RTTN: variants seen among roughly 807,000 people sequenced by gnomAD.
RTTN encodes the protein rotatin.
In RTTN, 182 loss-of-function variants were observed where a neutral mutation model predicts 269.2. That is an observed-to-expected ratio of 0.68 (90% CI 0.60 to 0.76). RTTN has a LOEUF of 0.76. RTTN is among the 30% of genes least tolerant of loss of function. The probability of loss-of-function intolerance (pLI) is 0.00; values close to 1 mark genes in which losing one functional copy is unlikely to be tolerated. For missense variants in RTTN, 2,545 were observed against 2,608.6 expected (o/e 0.98, Z 0.53); for synonymous variants, 1,006 against 963.5 (o/e 1.04, Z -0.82).
intron 3 of RTTN, among the ~76,000 whole-genome samples, chr18:70,203,869 T>C (rs2062013873): frequency 6.6e-6 from 1 of 152,184 alleles, no homozygotes; most frequent in Non-Finnish European, 1.5e-5. Context: ...GTCACTGGCA[T>C]CGTTTAGGCC....
At position 70,184,703 on chromosome 18, in the gene RTTN, G is replaced by GTTTTTTT. The variant is rs374636456; in HGVS notation, c.1305+3398_1305+3404dup. Among the ~76,000 whole-genome samples, 945 of 26,074 alleles carry GTTTTTTT rather than the reference G, an allele frequency of 0.036. 259 individuals carry two copies. The East Asian group carries it at 0.41, about 11-fold the overall frequency. The allele number at this position is 26,074 out of a possible 152,430, so 17.1% of individuals were successfully genotyped here. ...TCAATTCCATTCAAAACCACAGCAGGTTTTTTTTTTTTTTGTGTGTGTGTG... is the reference window on the plus strand; with the variant it reads ...TCAATTCCATTCAAAACCACAGCAGGTTTTTTTTTTTTTTTTTTTTTGTGTGTGTGTG... On this transcript the variant is annotated intron_variant, in intron 10 of 48. Transcript: ENST00000640769.
intron 10 of RTTN, among the ~76,000 whole-genome samples, chr18:70,181,780 T>C (rs1316473412): frequency 1.3e-5 from 2 of 152,220 alleles, no homozygotes; most frequent in Admixed American, 1.3e-4. Context: ...TTTTAAAATA[T>C]AGCCAAAGAA....
chr18:70,199,365 A>T, intron 5 of RTTN, 49 bp downstream of exon 5: 2 of 1,255,684 alleles, frequency 1.6e-6, no homozygotes, highest in South Asian at 1.2e-5. Context: ...TATCAAACTT[A>T]ATGACTATAA....
At chr18:70,203,457 G>A (rs1052859678) in intron 3 of RTTN, among the ~76,000 whole-genome samples, 6 of 152,158 alleles carry the variant, frequency 3.9e-5, no homozygotes, top group Admixed American at 3.3e-4. Flanking sequence ...GCTTCCCAAA[G>A]TGCCGGGATT....
At chr18:70,124,491 A>G (rs1220610316) in intron 25 of RTTN, among the ~76,000 whole-genome samples, 1 of 152,100 alleles carries the variant, frequency 6.6e-6, no homozygotes, top group Non-Finnish European at 1.5e-5. Context: ...CTGGAGCTCA[A>G]GGAAGAGTAG....
chr18:70,133,097 C>T (rs1017232269), intron 23 of RTTN, among the ~76,000 whole-genome samples: 5 of 152,112 alleles, frequency 3.3e-5, no homozygotes, highest in African/African-American at 7.2e-5. Context: ...CTCTTATAAG[C>T]AACCTGGAAA....
At chr18:70,169,221 T>A (rs1263433634) in intron 11 of RTTN, among the ~76,000 whole-genome samples, 154 bp from the exon 12 acceptor site, 1 of 152,172 alleles carries the variant, frequency 6.6e-6, no homozygotes, top group Admixed American at 6.6e-5. Context: ...AAATCCCATT[T>A]CCCAACACAT....
intron 40 of RTTN, among the ~76,000 whole-genome samples, chr18:70,033,796 AAAT>A (rs1427658772): frequency 3.9e-5 from 6 of 152,146 alleles, no homozygotes. Context: ...TTTTTGAAAA[AAAT>A]AATAAAATAT....
chr18:70,124,614 T>C (rs1337320206), intron 25 of RTTN, among the ~76,000 whole-genome samples: 8 of 152,036 alleles, frequency 5.3e-5, no homozygotes, highest in Non-Finnish European at 1.0e-4. Context: ...TTGCACTTCA[T>C]AGAAACACAG....
intron 40 of RTTN, among the ~76,000 whole-genome samples, chr18:70,033,259 C>A (rs1202673698): frequency 6.6e-6 from 1 of 152,220 alleles, no homozygotes; most frequent in East Asian, 1.9e-4. Flanking sequence ...CAGCACTATG[C>A]TTCCTTACAG....
Position 70,046,773 on chromosome 18 carries a change from G to A in RTTN, c.5541+1198C>T, listed in dbSNP as rs115979929. On this transcript the variant is annotated intron_variant, in intron 40 of 48. Transcript: ENST00000640769. ...GAGCTCTATCCAGGCTTCTGAAGGC[G>A]CTGCTGGAGATGGATGAGAAAATGG... Among the ~76,000 whole-genome samples, 1,400 of 152,284 alleles carry A rather than the reference G, an allele frequency of 9.2e-3. 21 individuals are homozygous for A. The highest frequency in any genetic ancestry group is 0.03 in the African/African-American group (1,263 of 41,560).
intron 46 of RTTN, among the ~76,000 whole-genome samples, chr18:70,012,058 C>T (rs1406807488): frequency 2.9e-5 from 4 of 135,762 alleles, no homozygotes; most frequent in East Asian, 2.4e-4. Context: ...TACAGGGCAG[C>T]GTCTGCTCAC....
intron 10 of RTTN, among the ~76,000 whole-genome samples, chr18:70,179,514 TG>T: frequency 6.6e-6 from 1 of 152,338 alleles, no homozygotes; most frequent in South Asian, 2.1e-4. Flanking sequence ...AGGAAAGGAT[TG>T]AAAAACAATA....
At position 70,201,662 on chromosome 18, in the gene RTTN, C is replaced by T. The variant is rs2061956456; in HGVS notation, c.487+232G>A. Among the ~76,000 whole-genome samples, 3 of 138,340 alleles carry T rather than the reference C, an allele frequency of 2.2e-5. No homozygotes were observed. In the South Asian group the frequency reaches 7.6e-4, roughly 35 times the overall value. The allele number at this position is 138,340 out of a possible 152,430, so 90.8% of individuals were successfully genotyped here. A position where few individuals can be genotyped will look rare whatever the true frequency, so the allele number is the denominator to read the frequency against. On this transcript the variant is annotated intron_variant, in intron 4 of 48. Coordinates refer to ENST00000640769, the MANE Select transcript of RTTN (RefSeq NM_173630.4). ...CATGTTCATTCAGTACGACATACTA[C>T]TGCCATTAATACCATCCATCTACAC...
At chr18:70,029,913 T>C in intron 42 of RTTN, 99 bp downstream of exon 42, 2 of 806,494 alleles carry the variant, frequency 2.5e-6, no homozygotes, top group Non-Finnish European at 4.1e-6. Context: ...ACCTTTCTTC[T>C]AAATGAGACA....
At chr18:70,169,743 T>C (rs1283757702) in intron 11 of RTTN, among the ~76,000 whole-genome samples, 1 of 152,278 alleles carries the variant, frequency 6.6e-6, no homozygotes, top group Non-Finnish European at 1.5e-5. Context: ...GAAAGAATTA[T>C]GGTTTTTAAA....
intron 28 of RTTN, among the ~76,000 whole-genome samples, chr18:70,099,633 T>A (rs2059102625): frequency 6.6e-6 from 1 of 152,212 alleles, no homozygotes; most frequent in African/African-American, 2.4e-5. Flanking sequence ...GCTTTTGGTA[T>A]TTTAGTCATG....
intron 35 of RTTN, among the ~76,000 whole-genome samples, chr18:70,062,112 T>G (rs1358868631): frequency 6.6e-6 from 1 of 152,248 alleles, no homozygotes; most frequent in African/African-American, 2.4e-5. Flanking sequence ...GCCAATAGTC[T>G]GAGGACTAAA....
chr18:70,192,988 A>G (rs1289551461), intron 8 of RTTN: 4 of 240,466 alleles, frequency 1.7e-5, no homozygotes, highest in African/African-American at 6.7e-5. Context: ...ATAGTATCAG[A>G]ATACTATTAT....
Sources: gnomAD v4.1 joint callset for allele counts (sites outside exome capture counted in the v4.1 genomes callset) on GRCh38, gnomAD v4.1.1 for gene constraint, MANE v1.5 for transcripts, NCBI Gene and HGNC (gene_info 2026-07-23, HGNC 2026-07-21) for gene names.